Variants in ACTR3C observed in about 807,000 individuals in gnomAD.
ACTR3C encodes actin-related protein 3C.
A neutral mutation model predicts 26.3 loss-of-function variants in ACTR3C; 18 were observed. That is an observed-to-expected ratio of 0.68 (90% CI 0.47 to 1.01). ACTR3C has a LOEUF of 1.01. Among genes scored for constraint, ACTR3C ranks in the 50% least tolerant of loss-of-function variants. The pLI, the probability that ACTR3C is intolerant of heterozygous loss-of-function variation, is 0.00. For missense variants in ACTR3C, 184 were observed against 250.7 expected (o/e 0.73, Z 1.80); for synonymous variants, 55 against 94.5 (o/e 0.58, Z 2.42).
chr7:150,222,021 A>G, the ACTR3C span, among the ~76,000 whole-genome samples: 2 of 146,188 alleles, frequency 1.4e-5, 1 homozygote, highest in African/African-American at 5.1e-5. Flanking sequence ...AAAAAAAAGT[A>G]CATCCCCTTA....
the ACTR3C span, among the ~76,000 whole-genome samples, chr7:150,235,408 G>A: frequency 1.3e-5 from 2 of 152,088 alleles, no homozygotes; most frequent in African/African-American, 4.8e-5. Flanking sequence ...GGACACCTGC[G>A]AGTTCTGTCC....
chr7:150,210,824 A>G, the ACTR3C span, among the ~76,000 whole-genome samples: 1 of 146,166 alleles, frequency 6.8e-6, no homozygotes, highest in Non-Finnish European at 1.5e-5. Context: ...TGGCGTTTTC[A>G]CGGGTATGCA....
At chr7:150,003,884 GGGTGTGTGTGGTGT>G in the ACTR3C span, among the ~76,000 whole-genome samples, 1 of 149,286 alleles carries the variant, frequency 6.7e-6, no homozygotes, top group South Asian at 2.1e-4. Context: ...GTATGTTATG[GGGTGTGTGTGGTGT>G]GTGTGTGTGG....
At chr7:150,155,468 C>A in the ACTR3C span, among the ~76,000 whole-genome samples, 1 of 152,230 alleles carries the variant, frequency 6.6e-6, no homozygotes, top group Non-Finnish European at 1.5e-5. Context: ...ACCAAAAACA[C>A]AGCAGGCACA....
At chr7:150,025,520 C>A in the ACTR3C span, among the ~76,000 whole-genome samples, 1 of 151,890 alleles carries the variant, frequency 6.6e-6, no homozygotes, top group Non-Finnish European at 1.5e-5. Flanking sequence ...TCTCTTTTCC[C>A]CAGCAGTAAG....
intron 6 of ACTR3C, among the ~76,000 whole-genome samples, chr7:150,275,018 G>C (rs2530936): frequency 1.1e-4 from 17 of 152,100 alleles, no homozygotes; most frequent in Non-Finnish European, 2.2e-4. Context: ...ACTGGCTAAG[G>C]CAGGTCAGCA....
the ACTR3C span, among the ~76,000 whole-genome samples, chr7:150,110,845 G>A: frequency 7.3e-6 from 1 of 136,642 alleles, no homozygotes; most frequent in Non-Finnish European, 1.6e-5. Flanking sequence ...TGGGCTGTTG[G>A]GGGTGTGGCT....
the ACTR3C span, among the ~76,000 whole-genome samples, chr7:150,038,817 C>G: frequency 1.5e-5 from 2 of 137,338 alleles, no homozygotes; most frequent in South Asian, 4.6e-4. Flanking sequence ...CCTCCCCCCT[C>G]TGCGATGGGG....
chr7:150,285,078 C>T (rs894575492), intron 5 of ACTR3C, among the ~76,000 whole-genome samples: 2 of 152,204 alleles, frequency 1.3e-5, no homozygotes, highest in Non-Finnish European at 2.9e-5. Context: ...GAAAAAATAC[C>T]AACAACATCA....
chr7:150,092,814 T>G, the ACTR3C span, among the ~76,000 whole-genome samples: 1 of 151,254 alleles, frequency 6.6e-6, no homozygotes. Context: ...CTCTCTCCTC[T>G]GCCCACACAC....
the ACTR3C span, among the ~76,000 whole-genome samples, chr7:150,012,416 G>A: frequency 1.8e-4 from 27 of 151,506 alleles, no homozygotes; most frequent in African/African-American, 5.6e-4. Context: ...CCGGGTTCAC[G>A]CCATTCTCCT....
At chr7:150,132,938 TA>T in the ACTR3C span, among the ~76,000 whole-genome samples, 3 of 152,172 alleles carry the variant, frequency 2.0e-5, no homozygotes, top group South Asian at 6.2e-4. Flanking sequence ...AATGAAACCA[TA>T]CCCTTTACAG....
At chr7:150,040,052 CG>C in the ACTR3C span, among the ~76,000 whole-genome samples, 19 of 135,128 alleles carry the variant, frequency 1.4e-4, 3 homozygotes, top group Admixed American at 1.3e-3. Context: ...CCCCGCCTCG[CG>C]GGGGGTGCCT....
the ACTR3C span, among the ~76,000 whole-genome samples, chr7:149,944,910 T>C: frequency 6.6e-6 from 1 of 151,572 alleles, no homozygotes; most frequent in African/African-American, 2.4e-5. Flanking sequence ...AGGTGAAAGA[T>C]GAAGGCAGGA....
chr7:150,008,954 C>T, the ACTR3C span, among the ~76,000 whole-genome samples: 1 of 152,176 alleles, frequency 6.6e-6, no homozygotes. Flanking sequence ...TCTCAGAAAG[C>T]CACCAGTGTC....
the ACTR3C span, among the ~76,000 whole-genome samples, chr7:150,125,775 CATTGAATTAATTGA>C: frequency 1.3e-5 from 2 of 152,186 alleles, no homozygotes; most frequent in African/African-American, 4.8e-5. Context: ...TAAAGAGGAA[CATTGAATTAATTGA>C]ATTGGATTCC....
chr7:150,109,325 G>A, the ACTR3C span, among the ~76,000 whole-genome samples: 1 of 152,126 alleles, frequency 6.6e-6, no homozygotes, highest in East Asian at 1.9e-4. Flanking sequence ...GGAAATGTAA[G>A]TAGAAACTTG....
chr7:150,185,727 G>A, the ACTR3C span, among the ~76,000 whole-genome samples: 1 of 151,650 alleles, frequency 6.6e-6, no homozygotes, highest in Non-Finnish European at 1.5e-5. Context: ...CTTTCACAGG[G>A]AAAACTATTC....
At chr7:150,089,590 TA>T in the ACTR3C span, among the ~76,000 whole-genome samples, 1 of 152,122 alleles carries the variant, frequency 6.6e-6, no homozygotes, top group Non-Finnish European at 1.5e-5. Context: ...AGGAGGGGGA[TA>T]GGGGTATTAT....
Sources: gnomAD v4.1 joint callset for allele counts (sites outside exome capture counted in the v4.1 genomes callset) on GRCh38, gnomAD v4.1.1 for gene constraint, MANE v1.5 for transcripts, NCBI Gene and HGNC (gene_info 2026-07-23, HGNC 2026-07-21) for gene names.